CLVS2: variants seen among roughly 807,000 people sequenced by gnomAD.
CLVS2 encodes the protein clavesin-2.
A neutral mutation model predicts 29.0 loss-of-function variants in CLVS2; 19 were observed. That is an observed-to-expected ratio of 0.66 (90% CI 0.46 to 0.96). The LOEUF (loss-of-function observed/expected upper bound fraction) is 0.96, where lower values mean the gene tolerates loss of function less well. CLVS2 is among the 40% of genes least tolerant of loss of function. The probability of loss-of-function intolerance (pLI) is 0.00; values close to 1 mark genes in which losing one functional copy is unlikely to be tolerated. For missense variants in CLVS2, 294 were observed against 404.1 expected (o/e 0.73, Z 2.34); for synonymous variants, 161 against 151.3 (o/e 1.06, Z -0.47).
intron 3 of CLVS2, among the ~76,000 whole-genome samples, 157 bp from the exon 4 acceptor site, chr6:123,048,465 G>A (rs7757328): frequency 0.1 from 15,188 of 152,140 alleles, 2,597 homozygotes; most frequent in African/African-American, 0.35. Context: ...AAAGTACAAT[G>A]TTTAACGTGG....
At chr6:123,033,349 G>GAGAGATAAATATTA (rs1775109209) in intron 3 of CLVS2, among the ~76,000 whole-genome samples, 1 of 151,944 alleles carries the variant, frequency 6.6e-6, no homozygotes, top group African/African-American at 2.4e-5. Flanking sequence ...ATTAGAATGT[G>GAGAGATAAATATTA]GAACTAACAA....
At chr6:123,039,634 G>A (rs529968222) in intron 3 of CLVS2, among the ~76,000 whole-genome samples, 65 of 152,264 alleles carry the variant, frequency 4.3e-4, no homozygotes, top group Middle Eastern at 3.4e-3. Context: ...AACAAGCCCT[G>A]TGTCTTCCTG....
rs1020214392 is a variant in CLVS2 at position 123,068,977 on chromosome 6, C to T, written c.*5216C>T. 6.6e-6 allele frequency: 1 copy of T among 151,460 alleles called. No individual in the cohort carries two copies. The highest frequency in any genetic ancestry group is 2.4e-5 in the African/African-American group (1 of 41,316). The allele number at this position is 151,460 out of a possible 1,614,324, so 9.4% of individuals were successfully genotyped here. ...TAAAATGGAGATTTCTTTAAAAAAT[C>T]GTCTAAAAATTAGCAATATTTTTAT... is the stretch of plus-strand genomic sequence containing the variant. On this transcript the variant is annotated 3_prime_UTR_variant, in exon 6 of 6. Coordinates refer to ENST00000275162, the MANE Select transcript of CLVS2 (RefSeq NM_001010852.4).
intron 3 of CLVS2, among the ~76,000 whole-genome samples, chr6:123,018,265 A>G (rs1351198179): frequency 6.6e-6 from 1 of 152,002 alleles, no homozygotes; most frequent in Non-Finnish European, 1.5e-5. Flanking sequence ...TTCAGCAGCA[A>G]TGTAAATGCA....
At position 123,063,742 on chromosome 6, in the gene CLVS2, C is replaced by T. The variant is rs757568645; in HGVS notation, c.965C>T (p.Pro322Leu). The T allele has an allele frequency of 1.2e-5, 19 of 1,607,998 alleles. No homozygotes were observed. The South Asian group carries it at 2.0e-4, about 17-fold the overall frequency. ...AAAAATGAGGAAGAAAACATGCAAC[C>T]ATTGCTTTCTCTGGACTAATAACTT... is the stretch of plus-strand genomic sequence containing the variant. ...MDKNEEENMQ[P>L]LLSLD The change falls in exon 6 of 6, where the codon CCA becomes CTA. Residue 322 changes from proline to leucine, a missense_variant. Coordinates refer to ENST00000275162, the MANE Select transcript of CLVS2 (RefSeq NM_001010852.4).
intron 3 of CLVS2, among the ~76,000 whole-genome samples, chr6:123,021,923 T>C (rs1488360048): frequency 6.6e-6 from 1 of 152,076 alleles, no homozygotes; most frequent in Non-Finnish European, 1.5e-5. Context: ...TCTTTCCTGG[T>C]TCTTTGGTTA....
chr6:123,055,959 A>G lies in CLVS2; in HGVS notation c.829A>G (p.Asn277Asp). Residue 277 changes from asparagine (N) to aspartate (D), a missense_variant, in exon 5 of 6, where the codon AAT becomes GAT. By Grantham distance (23) the Asn-to-Asp change is conservative. This residue lies in a region of CLVS2 where 82 missense variants were observed against 67.8 expected (regional missense o/e 1.21). Transcript: ENST00000275162. ...TGAATATGACGATGACAGCGAGTAC[A>G]ATGTAGACTCCTACAGCATGCCTGT... ...DHEYDDDSEY[N>D]VDSYSMPVKE... The G allele has an allele frequency of 6.2e-7, 1 of 1,614,016 alleles. No individual in the cohort carries two copies. Among genetic ancestry groups the G allele is most frequent in the South Asian group, 1.1e-5 (1 of 91,078 alleles).
chr6:123,026,681 C>T (rs538510091), intron 3 of CLVS2, among the ~76,000 whole-genome samples: 2 of 152,272 alleles, frequency 1.3e-5, no homozygotes, highest in African/African-American at 4.8e-5. Context: ...TTATCAGATT[C>T]ATATAAAATC....
chr6:123,051,451 C>A (rs1207729754), intron 4 of CLVS2, among the ~76,000 whole-genome samples: 1 of 152,174 alleles, frequency 6.6e-6, no homozygotes, highest in African/African-American at 2.4e-5. Flanking sequence ...AAACTAAGGT[C>A]TCCTACTGCT....
rs114216143 is a variant in CLVS2 at position 123,019,733 on chromosome 6, G to C, written c.564+8574G>C. Among the ~76,000 whole-genome samples, 723 of 152,116 alleles carry C rather than the reference G, an allele frequency of 4.8e-3. 3 individuals carry two copies. Among genetic ancestry groups the C allele is most frequent in the African/African-American group, 0.017 (695 of 41,532 alleles). On this transcript the variant is annotated intron_variant, in intron 3 of 5. Transcript: ENST00000275162. ...AAGAAATAGAACAAATATATAAGGC[G>C]ATTTATTATATAAGACGTTGGCTTA...
At chr6:123,057,199 C>T (rs893893150) in intron 5 of CLVS2, among the ~76,000 whole-genome samples, 3 of 152,178 alleles carry the variant, frequency 2.0e-5, no homozygotes, top group Admixed American at 1.3e-4. Context: ...CTCCCCTCAC[C>T]TAGCTCAGGG....
intron 3 of CLVS2, among the ~76,000 whole-genome samples, chr6:123,017,804 G>A (rs1458774709): frequency 1.3e-5 from 2 of 152,030 alleles, no homozygotes; most frequent in Admixed American, 6.6e-5. Context: ...TATAATTGAT[G>A]TATTTTTCTT....
chr6:123,046,818 A>T (rs1303131642), intron 3 of CLVS2, among the ~76,000 whole-genome samples: 1 of 152,194 alleles, frequency 6.6e-6, no homozygotes, highest in Admixed American at 6.5e-5. Flanking sequence ...TGTTGGTTTC[A>T]TCACAACAAA....
intron 3 of CLVS2, among the ~76,000 whole-genome samples, chr6:123,044,664 T>A (rs1327037376): frequency 1.3e-5 from 2 of 152,080 alleles, no homozygotes; most frequent in African/African-American, 2.4e-5. Flanking sequence ...CTCCTGCTAT[T>A]TGGTAAATCT....
rs1582670031 is a variant in CLVS2, at chr6:123,068,009, A to T, written c.*4248A>T. The T allele has an allele frequency of 6.6e-6, 1 of 151,850 alleles. No homozygotes were observed. Among genetic ancestry groups the T allele is most frequent in the East Asian group, 1.9e-4 (1 of 5,184 alleles). 9.4% of individuals were successfully genotyped at this position (151,850 alleles called of 1,614,324 possible). A position where few individuals can be genotyped will look rare whatever the true frequency, so the allele number is the denominator to read the frequency against. ...ATATTATGATCTCAATGGCTTAGAG[A>T]ATATAATCTTTTTTAAGAATTAAAG... On this transcript the variant is annotated 3_prime_UTR_variant, in exon 6 of 6. Coordinates refer to ENST00000275162, the MANE Select transcript of CLVS2 (RefSeq NM_001010852.4).
intron 3 of CLVS2, among the ~76,000 whole-genome samples, chr6:123,032,542 T>G (rs1166423844): frequency 6.6e-6 from 1 of 152,128 alleles, no homozygotes; most frequent in Non-Finnish European, 1.5e-5. Context: ...TTAACAAATA[T>G]TCCTTAAATT....
At chr6:123,046,533 C>A (rs1772515738) in intron 3 of CLVS2, among the ~76,000 whole-genome samples, 1 of 151,920 alleles carries the variant, frequency 6.6e-6, no homozygotes, top group African/African-American at 2.4e-5. Flanking sequence ...GTGGTGCATG[C>A]CTGTAGTCCC....
intron 3 of CLVS2, among the ~76,000 whole-genome samples, chr6:123,036,789 G>A (rs1360877090): frequency 3.3e-5 from 5 of 152,070 alleles, no homozygotes; most frequent in African/African-American, 1.2e-4. Flanking sequence ...ATCCTCTCAA[G>A]CTATCTTTAT....
intron 3 of CLVS2, among the ~76,000 whole-genome samples, chr6:123,039,981 A>G (rs1488612530): frequency 6.6e-6 from 1 of 152,208 alleles, no homozygotes; most frequent in African/African-American, 2.4e-5. Context: ...AATCACTAAT[A>G]AAACAGCAGT....
Sources: allele counts gnomAD v4.1 joint callset (sites outside exome capture counted in the v4.1 genomes callset), GRCh38; gene constraint gnomAD v4.1.1; regional missense constraint gnomAD v4.1.1; transcripts MANE v1.5; gene names NCBI Gene and HGNC (gene_info 2026-07-23, HGNC 2026-07-21).